The following AFG1L variants were observed in gnomAD, a reference collection of about 807,000 sequenced individuals.
The protein encoded by AFG1L is AFG1 like ATPase, also known as AFG1-like ATPase.
A neutral mutation model predicts 62.2 loss-of-function variants in AFG1L; 53 were observed. The ratio of observed to expected loss-of-function variants is 0.85; its 90% CI spans 0.68 to 1.07. The LOEUF (loss-of-function observed/expected upper bound fraction) is 1.07, where lower values mean the gene tolerates loss of function less well. Ranked by LOEUF, AFG1L falls within the 50% of genes least tolerant of loss-of-function variation. AFG1L has a pLI of 0.00. For missense variants in AFG1L, 555 were observed against 590.5 expected (o/e 0.94, Z 0.62); for synonymous variants, 228 against 210.3 (o/e 1.08, Z -0.73).
intron 10 of AFG1L, among the ~76,000 whole-genome samples, chr6:108,500,171 CGTGTGTGTGTGTGTGTGT>C (rs61654685): frequency 1.5e-5 from 2 of 135,070 alleles, no homozygotes; most frequent in African/African-American, 5.7e-5. Context: ...ATGGTGCGTG[CGTGTGTGTGTGTGTGTGT>C]GTGTGTGTGT....
intron 7 of AFG1L, among the ~76,000 whole-genome samples, chr6:108,431,632 C>T (rs543667237): frequency 7.5e-4 from 86 of 114,888 alleles, no homozygotes; most frequent in African/African-American, 2.7e-3. Flanking sequence ...CTGAGTTTTG[C>T]TGTTGTAACC....
chr6:108,414,027 A>G (rs541485546), intron 7 of AFG1L, among the ~76,000 whole-genome samples: 99 of 152,320 alleles, frequency 6.5e-4, no homozygotes, highest in Middle Eastern at 6.8e-3. Flanking sequence ...ACCACTAGCA[A>G]GACTAATAAG....
chr6:108,425,969 G>A (rs1381220005), intron 7 of AFG1L, among the ~76,000 whole-genome samples: 1 of 152,038 alleles, frequency 6.6e-6, no homozygotes, highest in East Asian at 1.9e-4. Flanking sequence ...TCAGATAAAG[G>A]TACTAATAAG....
chr6:108,320,095 A>G (rs1384590614), intron 1 of AFG1L, among the ~76,000 whole-genome samples: 2 of 152,188 alleles, frequency 1.3e-5, no homozygotes, highest in Non-Finnish European at 2.9e-5. Context: ...CCTTTAAACA[A>G]TGAGACGAAT....
At chr6:108,513,619 C>T (rs1172969444) in intron 11 of AFG1L, among the ~76,000 whole-genome samples, 1 of 152,216 alleles carries the variant, frequency 6.6e-6, no homozygotes, top group Non-Finnish European at 1.5e-5. Flanking sequence ...GGCTGGGAAG[C>T]TCCAACTGGG....
At chr6:108,472,047 A>G (rs1562181838) in intron 8 of AFG1L, among the ~76,000 whole-genome samples, 1 of 152,348 alleles carries the variant, frequency 6.6e-6, no homozygotes, top group South Asian at 2.1e-4. Flanking sequence ...AACAACATGG[A>G]TAAAACTGGA....
intron 5 of AFG1L, chr6:108,359,532 T>C (rs1008295074): frequency 6.6e-6 from 1 of 152,206 alleles, no homozygotes; most frequent in Non-Finnish European, 1.5e-5. Flanking sequence ...GACTTATTCA[T>C]CTCAAGGATG....
intron 6 of AFG1L, among the ~76,000 whole-genome samples, chr6:108,372,383 G>A (rs938475564): frequency 2.0e-5 from 3 of 149,084 alleles, no homozygotes; most frequent in Admixed American, 2.0e-4. Context: ...AGGCTGGAGT[G>A]CAGTGGTGTA....
chr6:108,412,221 A>C (rs1274008516), intron 7 of AFG1L, among the ~76,000 whole-genome samples: 1 of 152,212 alleles, frequency 6.6e-6, no homozygotes, highest in Non-Finnish European at 1.5e-5. Flanking sequence ...GAGAAAAAAG[A>C]GTAAAAAGCA....
chr6:108,497,344 AT>A (rs1774011408), intron 10 of AFG1L, among the ~76,000 whole-genome samples: 1 of 151,872 alleles, frequency 6.6e-6, no homozygotes, highest in East Asian at 1.9e-4. Context: ...GAGCTTGACT[AT>A]TTTTTCATTT....
At chr6:108,392,981 C>G (rs1009616543) in intron 6 of AFG1L, among the ~76,000 whole-genome samples, 9 of 151,966 alleles carry the variant, frequency 5.9e-5, no homozygotes, top group Non-Finnish European at 2.9e-5. Flanking sequence ...CTTTAAAAAT[C>G]CTCTTTGTTT....
At chr6:108,376,835 G>T (rs370588867) in intron 6 of AFG1L, among the ~76,000 whole-genome samples, 2 of 152,154 alleles carry the variant, frequency 1.3e-5, no homozygotes, top group East Asian at 1.9e-4. Flanking sequence ...TCAGTGGGGC[G>T]TTGAAGTCCC....
At chr6:108,489,613 A>G (rs1773699307) in intron 10 of AFG1L, among the ~76,000 whole-genome samples, 1 of 152,198 alleles carries the variant, frequency 6.6e-6, no homozygotes, top group Non-Finnish European at 1.5e-5. Flanking sequence ...AGGGGCATGA[A>G]CCAGGTATAC....
chr6:108,422,715 CTAAT>C (rs991748107), intron 7 of AFG1L, among the ~76,000 whole-genome samples: 1 of 151,870 alleles, frequency 6.6e-6, no homozygotes, highest in Non-Finnish European at 1.5e-5. Flanking sequence ...AGGTTTCCGT[CTAAT>C]TAATATTATT....
chr6:108,450,275 C>T (rs1771996817), intron 8 of AFG1L, among the ~76,000 whole-genome samples: 1 of 152,148 alleles, frequency 6.6e-6, no homozygotes, highest in African/African-American at 2.4e-5. Flanking sequence ...TGTTTCCTGA[C>T]TTTTTAATGA....
intron 10 of AFG1L, among the ~76,000 whole-genome samples, chr6:108,478,429 T>C (rs1469655639): frequency 6.6e-6 from 1 of 152,218 alleles, no homozygotes; most frequent in Non-Finnish European, 1.5e-5. Context: ...AGTGCGAGAC[T>C]CCGTCTCGAA....
chr6:108,357,278 A>G (rs1176979818), intron 5 of AFG1L, among the ~76,000 whole-genome samples: 1 of 152,142 alleles, frequency 6.6e-6, no homozygotes, highest in Admixed American at 6.6e-5. Flanking sequence ...ATTAGGTCTC[A>G]TTATGTTTCC....
intron 7 of AFG1L, among the ~76,000 whole-genome samples, chr6:108,437,242 A>T (rs1313892006): frequency 6.6e-6 from 1 of 152,182 alleles, no homozygotes; most frequent in Admixed American, 6.5e-5. Flanking sequence ...ATTTATTTAC[A>T]CCTCAAATTC....
chr6:108,351,728 G>A (rs1779087784), intron 3 of AFG1L, among the ~76,000 whole-genome samples: 1 of 151,930 alleles, frequency 6.6e-6, no homozygotes, highest in African/African-American at 2.4e-5. Flanking sequence ...TTTTATTATG[G>A]TAAAACACGT....
Sources: gnomAD v4.1 joint callset for allele counts (sites outside exome capture counted in the v4.1 genomes callset) on GRCh38, gnomAD v4.1.1 for gene constraint, MANE v1.5 for transcripts, NCBI Gene and HGNC (gene_info 2026-07-23, HGNC 2026-07-21) for gene names.